NOX3: variants seen among roughly 807,000 people sequenced by gnomAD.
NOX3 encodes the protein NADPH oxidase 3, also known as NADPH oxidase catalytic subunit-like 3.
Under a neutral mutation model 76.7 loss-of-function variants are expected in NOX3, and 74 were observed. That is an observed-to-expected ratio of 0.96 (90% CI 0.80 to 1.17). NOX3 has a LOEUF of 1.17. Ranked by LOEUF, NOX3 falls within the 50% of genes most tolerant of loss-of-function variation. The pLI, the probability that NOX3 is intolerant of heterozygous loss-of-function variation, is 0.00. For missense variants in NOX3, 695 were observed against 703.3 expected (o/e 0.99, Z 0.13); for synonymous variants, 263 against 261.1 (o/e 1.01, Z -0.07).
Position 155,407,192 on chromosome 6 carries a change from C to T in NOX3, c.1518G>A (p.Lys506=). The T allele has an allele frequency of 6.2e-7, 1 of 1,613,912 alleles. No individual in the cohort carries two copies. The highest frequency in any genetic ancestry group is 1.1e-5 in the South Asian group (1 of 91,078). The change falls in exon 12 of 14, where the codon AAG becomes AAA. Residue 506 remains lysine, a synonymous_variant. Transcript: ENST00000159060. ...NTDVITGLKQ[K]TFYGRPNWNN... ...TCCAGTTGGGCCTCCCATAGAAGGTCTTCTGCTTTAAGCCTGTAATCACGT... is the reference window on the plus strand; with the variant it reads ...TCCAGTTGGGCCTCCCATAGAAGGTTTTCTGCTTTAAGCCTGTAATCACGT...
intron 1 of NOX3, among the ~76,000 whole-genome samples, chr6:155,455,410 A>G (rs1777201634): frequency 6.6e-6 from 1 of 152,246 alleles, no homozygotes; most frequent in Non-Finnish European, 1.5e-5. Context: ...AATGATGTCA[A>G]GAAGGAAGAA....
chr6:155,448,260 G>C (rs1777090545), intron 4 of NOX3, among the ~76,000 whole-genome samples: 1 of 152,080 alleles, frequency 6.6e-6, no homozygotes, highest in Admixed American at 6.6e-5. Flanking sequence ...CATCTAAAAG[G>C]GATTTGTAGA....
intron 8 of NOX3, among the ~76,000 whole-genome samples, chr6:155,430,625 T>C (rs77754491): frequency 0.047 from 7,115 of 152,038 alleles, 278 homozygotes; most frequent in African/African-American, 0.098. Flanking sequence ...AATAAACCTT[T>C]ATCAGAATTC....
chr6:155,438,874 T>G (rs1172088222), intron 6 of NOX3, among the ~76,000 whole-genome samples: 6 of 151,834 alleles, frequency 4.0e-5, no homozygotes, highest in Non-Finnish European at 8.8e-5. Flanking sequence ...AACAGAGGAG[T>G]TGCTGCTGGC....
intron 4 of NOX3, among the ~76,000 whole-genome samples, chr6:155,443,846 C>T (rs1445553335): frequency 6.8e-6 from 1 of 147,198 alleles, no homozygotes; most frequent in Non-Finnish European, 1.5e-5. Context: ...GTACAAAAAT[C>T]TCCACATTTA....
At position 155,436,279 on chromosome 6, in the gene NOX3, G is replaced by C; in HGVS notation, c.798+139C>G. The C allele has an allele frequency of 4.2e-6, 4 of 948,566 alleles. No homozygotes were observed. In the South Asian group the frequency reaches 5.8e-5, roughly 14 times the overall value. The allele number at this position is 948,566 out of a possible 1,614,324, so 58.8% of individuals were successfully genotyped here. A position where few individuals can be genotyped will look rare whatever the true frequency, so the allele number is the denominator to read the frequency against. On this transcript the variant is annotated intron_variant, in intron 7 of 13. Transcript: ENST00000159060. ...CCTCTTTAAAAATTATCTGTAACTT[G>C]ATTTCTCCATTAGCACACTTAATAA... is the stretch of plus-strand genomic sequence containing the variant.
At chr6:155,454,425 A>G (rs1460049584) in intron 3 of NOX3, among the ~76,000 whole-genome samples, 1 of 152,230 alleles carries the variant, frequency 6.6e-6, no homozygotes, top group Non-Finnish European at 1.5e-5. Context: ...AAATCTATGT[A>G]CTGTGATTAT....
chr6:155,452,648 T>TA (rs1554265330), intron 4 of NOX3, among the ~76,000 whole-genome samples: 8 of 151,944 alleles, frequency 5.3e-5, no homozygotes, highest in Non-Finnish European at 2.9e-5. Context: ...CTTTTTTTTT[T>TA]ATGCATGAGA....
intron 4 of NOX3, among the ~76,000 whole-genome samples, chr6:155,449,360 A>G (rs1777106243): frequency 6.6e-6 from 1 of 152,124 alleles, no homozygotes; most frequent in Non-Finnish European, 1.5e-5. Context: ...TGGAGCTCAA[A>G]GTACTACTTT....
At chr6:155,442,814 A>C (rs1465140688) in intron 5 of NOX3, among the ~76,000 whole-genome samples, 1 of 152,194 alleles carries the variant, frequency 6.6e-6, no homozygotes, top group Non-Finnish European at 1.5e-5. Context: ...GCAGCTATTC[A>C]CATATGTGCC....
At chr6:155,432,721 C>T (rs1363305007) in intron 7 of NOX3, among the ~76,000 whole-genome samples, 1 of 152,184 alleles carries the variant, frequency 6.6e-6, no homozygotes. Flanking sequence ...CACAAGGCAA[C>T]ACAATTTGAC....
At chr6:155,396,701 G>C in intron 13 of NOX3, 108 bp downstream of exon 13, 1 of 757,798 alleles carries the variant, frequency 1.3e-6, no homozygotes, top group Non-Finnish European at 2.0e-6. Flanking sequence ...GCAGAGTTCA[G>C]TAGTTGAGAG....
intron 10 of NOX3, among the ~76,000 whole-genome samples, chr6:155,412,807 G>C (rs1416207760): frequency 4.6e-5 from 7 of 152,166 alleles, no homozygotes; most frequent in African/African-American, 1.7e-4. Flanking sequence ...TACCTGTCCA[G>C]ACTCTTCTGT....
At chr6:155,431,486 C>T (rs569675262) in intron 7 of NOX3, among the ~76,000 whole-genome samples, 2 of 150,432 alleles carry the variant, frequency 1.3e-5, no homozygotes, top group Admixed American at 6.6e-5. Context: ...TTTCCTGGCA[C>T]CTTAAATTTA....
At chr6:155,433,434 G>T (rs1020203122) in intron 7 of NOX3, among the ~76,000 whole-genome samples, 6 of 152,182 alleles carry the variant, frequency 3.9e-5, no homozygotes, top group African/African-American at 1.4e-4. Flanking sequence ...TGCTAGGCTG[G>T]GTGTCTGAAG....
chr6:155,450,250 G>C (rs1268596688), intron 4 of NOX3, among the ~76,000 whole-genome samples: 1 of 152,218 alleles, frequency 6.6e-6, no homozygotes, highest in Non-Finnish European at 1.5e-5. Flanking sequence ...GGATGTGTGA[G>C]GGAAAGAGGG....
intron 10 of NOX3, among the ~76,000 whole-genome samples, chr6:155,411,590 G>A (rs1234761339): frequency 1.3e-5 from 2 of 152,198 alleles, no homozygotes; most frequent in African/African-American, 4.8e-5. Flanking sequence ...TCAGGAGCCT[G>A]TGGGCCGTGC....
chr6:155,445,989 A>AT (rs141180529), intron 4 of NOX3, among the ~76,000 whole-genome samples: 16 of 126,160 alleles, frequency 1.3e-4, no homozygotes, highest in Non-Finnish European at 2.5e-4. Flanking sequence ...TGCTATATAT[A>AT]TATATATAAT....
At chr6:155,449,227 T>A (rs1777103839) in intron 4 of NOX3, among the ~76,000 whole-genome samples, 2 of 152,248 alleles carry the variant, frequency 1.3e-5, no homozygotes, top group South Asian at 4.1e-4. Context: ...TAGACTAATT[T>A]TAGCAACTCA....
Sources: allele counts gnomAD v4.1 joint callset (sites outside exome capture counted in the v4.1 genomes callset), GRCh38; gene constraint gnomAD v4.1.1; transcripts MANE v1.5; gene names NCBI Gene and HGNC (gene_info 2026-07-23, HGNC 2026-07-21).